Variants in RNF130 observed in about 807,000 individuals in gnomAD.
RNF130 encodes ring finger protein 130, also known as E3 ubiquitin-protein ligase RNF130.
RNF130 carries 21 observed loss-of-function variants against 44.6 expected under a neutral mutation model. The ratio of observed to expected loss-of-function variants is 0.47; its 90% CI spans 0.33 to 0.68. The LOEUF (loss-of-function observed/expected upper bound fraction) is 0.68, where lower values mean the gene tolerates loss of function less well. Among genes scored for constraint, RNF130 ranks in the 30% least tolerant of loss-of-function variants. The pLI is 0.02. For missense variants in RNF130, 479 were observed against 560.6 expected (o/e 0.85, Z 1.47); for synonymous variants, 214 against 210.4 (o/e 1.02, Z -0.15).
intron 7 of RNF130, among the ~76,000 whole-genome samples, chr5:179,935,034 A>G (rs1452364394): frequency 1.3e-5 from 2 of 152,198 alleles, no homozygotes; most frequent in African/African-American, 2.4e-5. Flanking sequence ...GTAAGTTTTG[A>G]TATGTCATAC....
At chr5:180,003,541 C>T (rs1387575820) in intron 3 of RNF130, among the ~76,000 whole-genome samples, 1 of 152,190 alleles carries the variant, frequency 6.6e-6, no homozygotes, top group African/African-American at 2.4e-5. Flanking sequence ...TTCAGTATTA[C>T]TACCTTCTTC....
intron 3 of RNF130, among the ~76,000 whole-genome samples, chr5:180,002,769 C>A (rs889155171): frequency 6.6e-6 from 1 of 152,130 alleles, no homozygotes; most frequent in Admixed American, 6.5e-5. Context: ...CTGTGCTCTC[C>A]AGAGCTTCTG....
intron 2 of RNF130, among the ~76,000 whole-genome samples, chr5:180,017,413 C>T (rs182188152): frequency 2.0e-5 from 3 of 152,310 alleles, no homozygotes; most frequent in Admixed American, 1.3e-4. Flanking sequence ...AATAAGCAAT[C>T]TGTGGGCTGA....
At chr5:180,053,287 G>A (rs561574285) in intron 1 of RNF130, among the ~76,000 whole-genome samples, 29 of 152,100 alleles carry the variant, frequency 1.9e-4, no homozygotes, top group Admixed American at 8.5e-4. Context: ...GGCATATCCC[G>A]GTGAACAGCT....
chr5:179,986,407 C>T (rs957472564), intron 3 of RNF130, among the ~76,000 whole-genome samples: 1 of 152,184 alleles, frequency 6.6e-6, no homozygotes, highest in East Asian at 1.9e-4. Flanking sequence ...AGCACTATGG[C>T]ACTTCATACA....
intron 3 of RNF130, among the ~76,000 whole-genome samples, chr5:180,011,936 T>C (rs1763605190): frequency 6.6e-6 from 1 of 152,048 alleles, no homozygotes; most frequent in Non-Finnish European, 1.5e-5. Context: ...ATAAAAAAAA[T>C]TAAAAGTGCA....
At chr5:180,051,599 G>A (rs989418174) in intron 1 of RNF130, among the ~76,000 whole-genome samples, 2 of 152,150 alleles carry the variant, frequency 1.3e-5, no homozygotes, top group Non-Finnish European at 1.5e-5. Context: ...AATGCTGGAT[G>A]CTGCAGTCAA....
chr5:180,007,620 G>A (rs1341224305), intron 3 of RNF130, among the ~76,000 whole-genome samples: 21 of 152,140 alleles, frequency 1.4e-4, no homozygotes. Context: ...AACGGAAGGA[G>A]GAAAAAAGGT....
At chr5:179,944,442 G>A (rs1027295297) in intron 7 of RNF130, among the ~76,000 whole-genome samples, 4 of 151,826 alleles carry the variant, frequency 2.6e-5, no homozygotes, top group African/African-American at 7.3e-5. Context: ...CGGAATTAAC[G>A]CTCCAATTTT....
At chr5:179,985,546 T>C (rs1762935548) in intron 3 of RNF130, among the ~76,000 whole-genome samples, 1 of 151,990 alleles carries the variant, frequency 6.6e-6, no homozygotes, top group African/African-American at 2.4e-5. Context: ...TTATCCAATA[T>C]CAAAAAAACG....
At chr5:180,058,055 A>G (rs776058626) in intron 1 of RNF130, among the ~76,000 whole-genome samples, 5 of 152,212 alleles carry the variant, frequency 3.3e-5, no homozygotes, top group Non-Finnish European at 5.9e-5. Context: ...ATTTGGTATC[A>G]GAGTGCTGCA....
chr5:180,024,544 G>A (rs1763946300), intron 2 of RNF130, among the ~76,000 whole-genome samples: 1 of 152,076 alleles, frequency 6.6e-6, no homozygotes, highest in Admixed American at 6.6e-5. Context: ...TTGAAGTGCT[G>A]AAAGGAAAAT....
At chr5:179,998,565 C>G (rs1379269075) in intron 3 of RNF130, among the ~76,000 whole-genome samples, 1 of 152,094 alleles carries the variant, frequency 6.6e-6, no homozygotes, top group Non-Finnish European at 1.5e-5. Context: ...TCCCAAGTAG[C>G]TGGGACTACA....
At chr5:179,932,008 C>A (rs1761814938) in intron 7 of RNF130, among the ~76,000 whole-genome samples, 1 of 152,122 alleles carries the variant, frequency 6.6e-6, no homozygotes, top group Admixed American at 6.6e-5. Context: ...TAGTAAATTT[C>A]TTTATTATTT....
At position 180,071,443 on chromosome 5, in the gene RNF130, G is replaced by T; in HGVS notation, c.247+13C>A. The T allele has an allele frequency of 1.6e-6, 2 of 1,236,362 alleles. No homozygotes were observed. Among genetic ancestry groups the T allele is most frequent in the Non-Finnish European group, 2.0e-6 (2 of 989,084 alleles). The allele number at this position is 1,236,362 out of a possible 1,614,324, so 76.6% of individuals were successfully genotyped here. A position where few individuals can be genotyped will look rare whatever the true frequency, so the allele number is the denominator to read the frequency against. On this transcript the variant is annotated intron_variant, in intron 1 of 8. Coordinates refer to ENST00000521389, the MANE Select transcript of RNF130 (RefSeq NM_018434.6). ...CAGCGACCACCGCCCGCCGCCCCCG[G>T]GCCGGCACTCACCTCCGTGGAGGGG...
rs148815122 is a variant in RNF130 at position 180,025,641 on chromosome 5, A to T, written c.443-12330T>A. Among the ~76,000 whole-genome samples the T allele has an allele frequency of 1.6e-4, 25 of 152,058 alleles. 1 individual carries two copies. Among genetic ancestry groups the T allele is most frequent in the Admixed American group, 4.6e-4 (7 of 15,276 alleles). On this transcript the variant is annotated intron_variant, in intron 2 of 8. Transcript: ENST00000521389. ...ATTTTGATAATTATGAATTTTTTTTAAAAAAATGTATGAACCAGATGGAAG... is the reference window on the plus strand; with the variant it reads ...ATTTTGATAATTATGAATTTTTTTTTAAAAAATGTATGAACCAGATGGAAG...
chr5:180,026,239 A>G (rs908215658), intron 2 of RNF130, among the ~76,000 whole-genome samples: 2 of 152,212 alleles, frequency 1.3e-5, no homozygotes, highest in African/African-American at 2.4e-5. Flanking sequence ...CCTTTCAACA[A>G]TGGAAAGAAT....
intron 1 of RNF130, among the ~76,000 whole-genome samples, chr5:180,056,761 AACC>A (rs1268712877): frequency 6.6e-6 from 1 of 152,204 alleles, no homozygotes; most frequent in Admixed American, 6.5e-5. Context: ...CATTGTTCTT[AACC>A]ACCAAAAAGC....
intron 8 of RNF130, among the ~76,000 whole-genome samples, chr5:179,958,403 T>A (rs1762256391): frequency 6.6e-6 from 1 of 152,172 alleles, no homozygotes; most frequent in South Asian, 2.1e-4. Context: ...AGGAAGATGG[T>A]TTTTAGAAAG....
Sources: gnomAD v4.1 joint callset for allele counts (sites outside exome capture counted in the v4.1 genomes callset) on GRCh38, gnomAD v4.1.1 for gene constraint, MANE v1.5 for transcripts, NCBI Gene and HGNC (gene_info 2026-07-23, HGNC 2026-07-21) for gene names.